ASTN2: variants seen among roughly 807,000 people sequenced by gnomAD.
ASTN2 encodes astrotactin 2, also known as astrotactin-2.
Under a neutral mutation model 139.8 loss-of-function variants are expected in ASTN2, and 54 were observed. The ratio of observed to expected loss-of-function variants is 0.39; its 90% confidence interval spans 0.31 to 0.48. The LOEUF (loss-of-function observed/expected upper bound fraction) is 0.48. Among genes scored for constraint, ASTN2 ranks in the 20% least tolerant of loss-of-function variants. The pLI is 0.95. For synonymous variants in ASTN2, 756 were observed against 719.5 expected (o/e 1.05, Z -0.81); for missense variants, 1,565 against 1,725.1 (o/e 0.91, Z 1.64).
chr9:116,819,175 C>T (rs903630078), intron 12 of ASTN2, among the ~76,000 whole-genome samples: 1 of 152,116 alleles, frequency 6.6e-6, no homozygotes, highest in Non-Finnish European at 1.5e-5. Flanking sequence ...GCTGCTCCTG[C>T]TGCTGTTACT....
chr9:116,749,709 T>TTGG (rs1258073801), intron 13 of ASTN2, among the ~76,000 whole-genome samples: 1 of 152,214 alleles, frequency 6.6e-6, no homozygotes, highest in Non-Finnish European at 1.5e-5. Context: ...GTGGAGCCTG[T>TTGG]TGGAGGTGAT....
At chr9:117,160,282 G>C (rs375299416) in intron 3 of ASTN2, among the ~76,000 whole-genome samples, 1 of 152,092 alleles carries the variant, frequency 6.6e-6, no homozygotes. Context: ...TAGGGGGCAG[G>C]GGTCCAGTCA....
intron 19 of ASTN2, among the ~76,000 whole-genome samples, chr9:116,491,360 C>T (rs1371546719): frequency 6.6e-6 from 1 of 152,070 alleles, no homozygotes; most frequent in African/African-American, 2.4e-5. Context: ...GATTAGAACC[C>T]CTATTTTTTC....
intron 19 of ASTN2, among the ~76,000 whole-genome samples, chr9:116,566,187 A>T (rs1438078178): frequency 6.6e-6 from 1 of 152,136 alleles, no homozygotes; most frequent in Admixed American, 6.5e-5. Flanking sequence ...ATTTCTCACT[A>T]ATTCTGCTTT....
At chr9:116,964,216 G>GGT (rs56209166) in intron 10 of ASTN2, among the ~76,000 whole-genome samples, 32,048 of 140,474 alleles carry the variant, frequency 0.23, 3,732 homozygotes, top group East Asian at 0.29. Context: ...ACTGCCCTGG[G>GGT]GTGTGTGTGT....
In ASTN2 at chr9:117,141,308, T is replaced by C. The variant is rs776533511; in HGVS notation, c.1168+18A>G. The C allele has an allele frequency of 1.5e-6, 2 of 1,365,936 alleles. No individual in the cohort carries two copies. Among genetic ancestry groups the C allele is most frequent in the Non-Finnish European group, 2.0e-6 (2 of 1,020,908 alleles). The allele number at this position is 1,365,936 out of a possible 1,614,324, so 84.6% of individuals were successfully genotyped here. A position where few individuals can be genotyped will look rare whatever the true frequency, so the allele number is the denominator to read the frequency against. On this transcript the variant is annotated intron_variant, in intron 4 of 22. Coordinates refer to ENST00000313400, the MANE Select transcript of ASTN2 (RefSeq NM_001365068.1). The stretch of plus-strand genomic sequence containing the variant: ...ACAACCTTCTGACTTCCTGGCCAGA[T>C]GTGCCAGGAGGGCCTACCTCGAGAC...
At chr9:116,596,102 AAAG>A (rs1854563347) in intron 19 of ASTN2, among the ~76,000 whole-genome samples, 1 of 152,240 alleles carries the variant, frequency 6.6e-6, no homozygotes. Context: ...CAGCCTTAAA[AAAG>A]AAGGAAATTC....
At position 117,378,869 on chromosome 9, in the gene ASTN2, G is replaced by A. The variant is rs560823327; in HGVS notation, c.442+35628C>T. On this transcript the variant is annotated intron_variant, in intron 1 of 22. Coordinates refer to ENST00000313400, the MANE Select transcript of ASTN2 (RefSeq NM_001365068.1). The stretch of plus-strand genomic sequence containing the variant: ...GCCTAGTGGGAAGTGATTGGATTCT[G>A]GGGACGGATCCTTCATGAATGGTTT... 2.6e-5 allele frequency among the ~76,000 whole-genome samples: 4 copies of A among 152,266 alleles called. No individual in the cohort carries two copies. In the East Asian group the frequency reaches 5.8e-4, roughly 22 times the overall value.
At chr9:116,743,089 C>A (rs898848400) in intron 13 of ASTN2, among the ~76,000 whole-genome samples, 2 of 152,150 alleles carry the variant, frequency 1.3e-5, no homozygotes, top group African/African-American at 4.8e-5. Context: ...CCCTCACCAA[C>A]CTCTGCCTTC....
intron 13 of ASTN2, among the ~76,000 whole-genome samples, chr9:116,772,860 T>C (rs928910425): frequency 6.6e-6 from 1 of 152,192 alleles, no homozygotes; most frequent in Non-Finnish European, 1.5e-5. Flanking sequence ...GGGCTTAGCT[T>C]TAGGCTAGCA....
At chr9:116,681,939 C>G (rs1360276749) in intron 16 of ASTN2, among the ~76,000 whole-genome samples, 3 of 151,318 alleles carry the variant, frequency 2.0e-5, no homozygotes, top group Non-Finnish European at 4.4e-5. Context: ...AAAACCTAGG[C>G]ATTACCATTC....
chr9:117,122,185 G>A (rs191865564), intron 4 of ASTN2, among the ~76,000 whole-genome samples: 207 of 152,270 alleles, frequency 1.4e-3, no homozygotes, highest in Non-Finnish European at 2.6e-3. Context: ...GAACTTTCCC[G>A]TGAAAGTTTC....
In ASTN2 at chr9:116,712,919, G is replaced by T. The variant is rs547055168; in HGVS notation, c.2806+12852C>A. On this transcript the variant is annotated intron_variant, in intron 16 of 22. Coordinates refer to ENST00000313400, the MANE Select transcript of ASTN2 (RefSeq NM_001365068.1). ...ATAATAAATGCCCAGCATACCTCCT[G>T]GCATGTAATGAATTCTCAGTACATG... Among the ~76,000 whole-genome samples, 14 of 152,280 alleles carry T rather than the reference G, an allele frequency of 9.2e-5. No homozygotes were observed. In the East Asian group the frequency reaches 2.7e-3, roughly 29 times the overall value.
intron 19 of ASTN2, among the ~76,000 whole-genome samples, chr9:116,572,378 T>C (rs1179145117): frequency 6.6e-6 from 1 of 152,162 alleles, no homozygotes; most frequent in Non-Finnish European, 1.5e-5. Context: ...TGAACACCAC[T>C]GGAAACAGAC....
chr9:117,024,438 C>A (rs951923654), intron 6 of ASTN2, among the ~76,000 whole-genome samples: 2 of 151,780 alleles, frequency 1.3e-5, no homozygotes, highest in Non-Finnish European at 2.9e-5. Context: ...TTAAAAGTAT[C>A]CTGAATAGGG....
At chr9:116,855,313 G>A (rs1027671182) in intron 11 of ASTN2, among the ~76,000 whole-genome samples, 1 of 152,250 alleles carries the variant, frequency 6.6e-6, no homozygotes, top group African/African-American at 2.4e-5. Flanking sequence ...TTGGAAAGAT[G>A]CAAATGCTCC....
At chr9:116,478,637 G>C (rs1288582174) in intron 20 of ASTN2, among the ~76,000 whole-genome samples, 1 of 152,124 alleles carries the variant, frequency 6.6e-6, no homozygotes, top group Non-Finnish European at 1.5e-5. Context: ...ACCTGGACTA[G>C]ACCCTTGCCT....
At position 116,827,313 on chromosome 9, in the gene ASTN2, C is replaced by CAAAA. The variant is rs141242698; in HGVS notation, c.2041-6534_2041-6531dup. ...AACAAGAGCAAAACTCCATCCCCCC[C>CAAAA]AAAAAAAAAAAAAAAAAAAAGAACT... On this transcript the variant is annotated intron_variant, in intron 11 of 22. Transcript: ENST00000313400. Among the ~76,000 whole-genome samples, 521 of 79,372 alleles carry CAAAA rather than the reference C, an allele frequency of 6.6e-3. 3 individuals are homozygous for CAAAA. Among genetic ancestry groups the CAAAA allele is most frequent in the African/African-American group, 0.024 (480 of 19,686 alleles). 52.1% of individuals were successfully genotyped at this position (79,372 alleles called of 152,430 possible). A position where few individuals can be genotyped will look rare whatever the true frequency, so the allele number is the denominator to read the frequency against.
At chr9:117,145,206 A>T (rs770700312) in intron 3 of ASTN2, among the ~76,000 whole-genome samples, 1 of 152,158 alleles carries the variant, frequency 6.6e-6, no homozygotes, top group Non-Finnish European at 1.5e-5. Context: ...TCACACATGC[A>T]CAGGAGAGAG....
Sources: allele counts gnomAD v4.1 joint callset (sites outside exome capture counted in the v4.1 genomes callset), GRCh38; gene constraint gnomAD v4.1.1; transcripts MANE v1.5; gene names NCBI Gene and HGNC (gene_info 2026-07-23, HGNC 2026-07-21).